Variants in SNTB1 observed in about 807,000 individuals in gnomAD.
The protein encoded by SNTB1 is syntrophin beta 1.
SNTB1 carries 36 observed loss-of-function variants against 48.9 expected under a neutral mutation model. The ratio of observed to expected loss-of-function variants is 0.74; its 90% CI spans 0.56 to 0.97. The LOEUF (loss-of-function observed/expected upper bound fraction) is 0.97, where lower values mean the gene tolerates loss of function less well. SNTB1 is among the 50% of genes least tolerant of loss of function. The pLI is 0.00. For synonymous variants in SNTB1, 299 were observed against 294.6 expected, an observed-to-expected ratio of 1.01 and a Z score of -0.15; for missense variants, 786 against 703.4, an observed-to-expected ratio of 1.12 and a Z score of -1.33.
intron 3 of SNTB1, among the ~76,000 whole-genome samples, chr8:120,575,655 G>A (rs1345793703): frequency 6.6e-6 from 1 of 151,982 alleles, no homozygotes; most frequent in African/African-American, 2.4e-5. Flanking sequence ...TACTATGGTG[G>A]CAAATGTCTA....
At chr8:120,743,366 A>C (rs1292465935) in intron 1 of SNTB1, among the ~76,000 whole-genome samples, 1 of 152,196 alleles carries the variant, frequency 6.6e-6, no homozygotes, top group Non-Finnish European at 1.5e-5. Flanking sequence ...GTAATTATAA[A>C]ACACCCTTTC....
chr8:120,685,296 G>A (rs1045492287), intron 2 of SNTB1, among the ~76,000 whole-genome samples: 1 of 152,218 alleles, frequency 6.6e-6, no homozygotes. Flanking sequence ...TCTCTTTGGT[G>A]GTCCCACCTC....
At chr8:120,764,032 C>G (rs1400741682) in intron 1 of SNTB1, among the ~76,000 whole-genome samples, 1 of 152,296 alleles carries the variant, frequency 6.6e-6, no homozygotes, top group South Asian at 2.1e-4. Flanking sequence ...GCAATGTTCT[C>G]AAAGTCATAA....
intron 1 of SNTB1, among the ~76,000 whole-genome samples, chr8:120,757,628 T>TGC (rs969984049): frequency 6.6e-6 from 1 of 152,164 alleles, no homozygotes; most frequent in Non-Finnish European, 1.5e-5. Flanking sequence ...ACCCCAGATG[T>TGC]CTCTAGCAGT....
intron 1 of SNTB1, among the ~76,000 whole-genome samples, chr8:120,707,990 G>T (rs1412608997): frequency 6.6e-6 from 1 of 151,594 alleles, no homozygotes; most frequent in Non-Finnish European, 1.5e-5. Context: ...AAAATCTAAA[G>T]GTCATATAGG....
At chr8:120,785,773 A>C (rs1390484815) in intron 1 of SNTB1, among the ~76,000 whole-genome samples, 1 of 152,208 alleles carries the variant, frequency 6.6e-6, no homozygotes, top group African/African-American at 2.4e-5. Context: ...TGTTACTACC[A>C]CAGCTGGAGC....
chr8:120,745,029 C>T (rs974758800), intron 1 of SNTB1, among the ~76,000 whole-genome samples: 1 of 152,008 alleles, frequency 6.6e-6, no homozygotes, highest in Non-Finnish European at 1.5e-5. Flanking sequence ...ATTAACCAGT[C>T]TTGCTTGTCC....
chr8:120,541,709 A>G, intron 6 of SNTB1, 101 bp downstream of exon 6: 1 of 787,646 alleles, frequency 1.3e-6, no homozygotes, highest in Non-Finnish European at 1.9e-6. Flanking sequence ...TTGCAAGCAC[A>G]TCATTAGCAG....
At chr8:120,697,933 AT>A (rs1237905255) in intron 1 of SNTB1, among the ~76,000 whole-genome samples, 1 of 152,244 alleles carries the variant, frequency 6.6e-6, no homozygotes, top group Non-Finnish European at 1.5e-5. Context: ...TAGATAAGAA[AT>A]TTTACAGAAT....
intron 1 of SNTB1, among the ~76,000 whole-genome samples, chr8:120,784,648 G>T (rs1819891911): frequency 6.6e-6 from 1 of 152,190 alleles, no homozygotes. Flanking sequence ...GTGGAAAAAT[G>T]ATGTTAAAAA....
intron 1 of SNTB1, among the ~76,000 whole-genome samples, chr8:120,714,625 C>A (rs1818526779): frequency 6.6e-6 from 1 of 151,898 alleles, no homozygotes; most frequent in Non-Finnish European, 1.5e-5. Flanking sequence ...AGTCCCCAAG[C>A]AAAAATCTCA....
intron 4 of SNTB1, among the ~76,000 whole-genome samples, chr8:120,554,566 A>G (rs889858319): frequency 6.6e-6 from 1 of 152,160 alleles, no homozygotes; most frequent in Admixed American, 6.5e-5. Context: ...CACCACCACT[A>G]CGACTGCTGT....
At chr8:120,810,460 G>T (rs1820405788) in intron 1 of SNTB1, among the ~76,000 whole-genome samples, 1 of 152,176 alleles carries the variant, frequency 6.6e-6, no homozygotes, top group South Asian at 2.1e-4. Context: ...TAGTTTCTAG[G>T]CTCTTCGCAC....
chr8:120,617,354 T>C (rs377278858), intron 3 of SNTB1, among the ~76,000 whole-genome samples: 3 of 152,250 alleles, frequency 2.0e-5, no homozygotes, highest in East Asian at 1.9e-4. Flanking sequence ...AGAATATTTT[T>C]GTGGAATGAG....
At chr8:120,544,539 C>A in intron 5 of SNTB1, among the ~76,000 whole-genome samples, 1 of 152,266 alleles carries the variant, frequency 6.6e-6, no homozygotes, top group Non-Finnish European at 1.5e-5. Flanking sequence ...AGAATTATTT[C>A]CTATTCTCCA....
intron 4 of SNTB1, among the ~76,000 whole-genome samples, chr8:120,563,442 C>G (rs893983186): frequency 6.6e-6 from 1 of 152,078 alleles, no homozygotes; most frequent in African/African-American, 2.4e-5. Flanking sequence ...ACTGTACCAC[C>G]AATGGACTCA....
intron 2 of SNTB1, chr8:120,635,484 A>G (rs1439017005): frequency 2.0e-5 from 3 of 152,604 alleles, no homozygotes; most frequent in Non-Finnish European, 4.4e-5. Context: ...CTTTTTAAAA[A>G]TTTTGACAAA....
rs1270188349 is a variant in SNTB1, at chr8:120,581,102, A to AAAG, written c.997-5878_997-5877insCTT. Among the ~76,000 whole-genome samples, 755 of 123,906 alleles carry AAAG rather than the reference A, an allele frequency of 6.1e-3. 16 individuals are homozygous for AAAG. The highest frequency in any genetic ancestry group is 0.021 in the African/African-American group (705 of 33,114). 81.3% of individuals were successfully genotyped at this position (123,906 alleles called of 152,430 possible). On this transcript the variant is annotated intron_variant, in intron 3 of 6. Coordinates refer to ENST00000517992, the MANE Select transcript of SNTB1 (RefSeq NM_021021.4). ...AGACCCTGTCTCAAAAAAAAAAAAAAAAAAAGAGAAAGAAAAAGACATCTA... is the reference window on the plus strand; with the variant it reads ...AGACCCTGTCTCAAAAAAAAAAAAAAAAGAAAAAGAGAAAGAAAAAGACATCTA...
At chr8:120,546,013 G>C (rs916004189) in intron 5 of SNTB1, among the ~76,000 whole-genome samples, 1 of 152,172 alleles carries the variant, frequency 6.6e-6, no homozygotes, top group African/African-American at 2.4e-5. Context: ...GAAAGAAATA[G>C]AACTGGAATT....
Sources: gnomAD v4.1 joint callset for allele counts (sites outside exome capture counted in the v4.1 genomes callset) on GRCh38, gnomAD v4.1.1 for gene constraint, MANE v1.5 for transcripts, NCBI Gene and HGNC (gene_info 2026-07-23, HGNC 2026-07-21) for gene names.